SYNPO2: variants seen among roughly 807,000 people sequenced by gnomAD.
The protein encoded by SYNPO2 is synaptopodin 2.
In SYNPO2, 56 loss-of-function variants were observed where a neutral mutation model predicts 85.0. The ratio of observed to expected loss-of-function variants is 0.66; its 90% CI spans 0.53 to 0.82. SYNPO2 has a LOEUF of 0.82. SYNPO2 is among the 40% of genes least tolerant of loss of function. The pLI is 0.00. For missense variants in SYNPO2, 1,575 were observed against 1,534.2 expected, an observed-to-expected ratio of 1.03 and a Z score of -0.44; for synonymous variants, 602 against 591.1, an observed-to-expected ratio of 1.02 and a Z score of -0.27.
At chr4:118,870,291 C>G (rs4834710) in intron 1 of SYNPO2, among the ~76,000 whole-genome samples, 61,131 of 152,132 alleles carry the variant, frequency 0.4, 14,230 homozygotes, top group Admixed American at 0.58. Context: ...GATCCTTCCC[C>G]CTTCAGAGGC....
rs1270047774 is a variant in SYNPO2 at position 119,035,688 on chromosome 4, A to T, written c.3252+3661A>T. On this transcript the variant is annotated intron_variant, in intron 4 of 4. Transcript: ENST00000307142. ...AATCTGAGCTACAAATAGTTCTTTAAAATAAGCCCAGGTTATTTAGCTATT... is the reference window on the plus strand; with the variant it reads ...AATCTGAGCTACAAATAGTTCTTTATAATAAGCCCAGGTTATTTAGCTATT... The T allele has an allele frequency of 7.1e-6, 7 of 985,388 alleles. No homozygotes were observed. In the East Asian group the frequency reaches 7.9e-4, roughly 112 times the overall value. The allele number at this position is 985,388 out of a possible 1,614,324, so 61.0% of individuals were successfully genotyped here. A position where few individuals can be genotyped will look rare whatever the true frequency, so the allele number is the denominator to read the frequency against.
chr4:118,995,407 G>C (rs1236327928), intron 1 of SYNPO2, among the ~76,000 whole-genome samples: 1 of 152,064 alleles, frequency 6.6e-6, no homozygotes, highest in African/African-American at 2.4e-5. Context: ...TCACTGTGAT[G>C]GGTATCTTAT....
chr4:118,865,204 A>C (rs1731679188), intron 1 of SYNPO2, among the ~76,000 whole-genome samples: 1 of 152,216 alleles, frequency 6.6e-6, no homozygotes, highest in Non-Finnish European at 1.5e-5. Context: ...ATAGCTACGC[A>C]CTGGAATCAG....
chr4:119,021,888 G>A (rs1384693142), intron 1 of SYNPO2, among the ~76,000 whole-genome samples: 2 of 152,144 alleles, frequency 1.3e-5, no homozygotes, highest in Non-Finnish European at 2.9e-5. Context: ...TGGCCCAGCA[G>A]GTCCACCAAG....
chr4:118,911,391 C>A (rs1290109902), intron 1 of SYNPO2, among the ~76,000 whole-genome samples: 1 of 152,158 alleles, frequency 6.6e-6, no homozygotes, highest in Non-Finnish European at 1.5e-5. Flanking sequence ...CTTATAAACT[C>A]CAGATGTACG....
intron 1 of SYNPO2, among the ~76,000 whole-genome samples, chr4:118,996,809 A>T (rs1456717340): frequency 6.7e-6 from 1 of 150,280 alleles, no homozygotes; most frequent in Non-Finnish European, 1.5e-5. Flanking sequence ...GTGAGCTGAG[A>T]TCGCGCCACT....
At chr4:118,962,455 A>T (rs6534115) in intron 1 of SYNPO2, among the ~76,000 whole-genome samples, 1 of 151,950 alleles carries the variant, frequency 6.6e-6, no homozygotes, top group Non-Finnish European at 1.5e-5. Context: ...TTGGGAGCAC[A>T]TGGAATAATA....
chr4:118,969,384 G>A (rs920417776), intron 1 of SYNPO2, among the ~76,000 whole-genome samples: 20 of 148,006 alleles, frequency 1.4e-4, no homozygotes, highest in South Asian at 2.2e-4. Flanking sequence ...CATGGTGTTC[G>A]TTTAAAATGG....
Position 118,888,993 on chromosome 4 carries a change from T to A in SYNPO2, c.-44T>A. Reference sequence around the variant, plus strand: ...CATCCTCTACCGCACCCAAGCTTCGTCTGTCTCGTCAAGCTCTTCATGCTG... The same window carrying A: ...CATCCTCTACCGCACCCAAGCTTCGACTGTCTCGTCAAGCTCTTCATGCTG... On this transcript the variant is annotated 5_prime_UTR_variant, in exon 1 of 5. Transcript: ENST00000307142. 1 of 1,601,040 alleles carries A rather than the reference T, an allele frequency of 6.2e-7. No homozygotes were observed. Among genetic ancestry groups the A allele is most frequent in the South Asian group, 1.1e-5 (1 of 90,536 alleles).
intron 1 of SYNPO2, among the ~76,000 whole-genome samples, chr4:118,976,987 C>T (rs1439684780): frequency 6.6e-6 from 1 of 152,264 alleles, no homozygotes; most frequent in Non-Finnish European, 1.5e-5. Flanking sequence ...GCTGGCTTCA[C>T]CTAGAGGATC....
At chr4:118,900,782 T>C (rs565004797) in intron 1 of SYNPO2, among the ~76,000 whole-genome samples, 6 of 147,318 alleles carry the variant, frequency 4.1e-5, no homozygotes, top group African/African-American at 1.5e-4. Flanking sequence ...TATCTATCTA[T>C]CTATAGATAT....
chr4:119,044,967 C>T (rs897204056), intron 4 of SYNPO2, among the ~76,000 whole-genome samples: 18 of 152,086 alleles, frequency 1.2e-4, no homozygotes, highest in Non-Finnish European at 1.8e-4. Flanking sequence ...AATTAGAAGT[C>T]GTGACAGAGG....
Position 118,988,138 on chromosome 4 carries a change from G to A in SYNPO2, c.106-35292G>A, listed in dbSNP as rs575278486. On this transcript the variant is annotated intron_variant, in intron 1 of 4. Transcript: ENST00000307142. ...TGAGCAGGAAAGTTATTTTAGTCCT[G>A]TTTATTTGAATAGCTAGAGCAAATA... 2.0e-4 allele frequency among the ~76,000 whole-genome samples: 31 copies of A among 152,274 alleles called. 1 individual carries two copies. The highest frequency in any genetic ancestry group is 4.4e-4 in the Non-Finnish European group (30 of 68,024).
intron 1 of SYNPO2, among the ~76,000 whole-genome samples, chr4:118,923,630 T>G (rs184002035): frequency 6.6e-6 from 1 of 152,158 alleles, no homozygotes; most frequent in Non-Finnish European, 1.5e-5. Context: ...TATTGAACTT[T>G]GAGTTTGCTT....
chr4:118,947,651 CT>C (rs1383341344), intron 1 of SYNPO2, among the ~76,000 whole-genome samples: 1 of 152,180 alleles, frequency 6.6e-6, no homozygotes, highest in Non-Finnish European at 1.5e-5. Flanking sequence ...CACACTTCTG[CT>C]TTAGAATTGA....
At chr4:118,888,703 C>T, upstream of SYNPO2, 1 of 332,354 alleles carries the variant, frequency 3.0e-6, no homozygotes. Context: ...CCTCCTTTCC[C>T]TTATCTCGCC....
chr4:118,969,771 GT>G (rs58713974), intron 1 of SYNPO2, among the ~76,000 whole-genome samples: 11,126 of 141,520 alleles, frequency 0.079, 444 homozygotes, highest in African/African-American at 0.088. Context: ...TGATTACAAG[GT>G]TTTTTTTTTT....
intron 1 of SYNPO2, among the ~76,000 whole-genome samples, chr4:118,867,968 T>C (rs1021250225): frequency 2.0e-5 from 3 of 151,770 alleles, no homozygotes; most frequent in Non-Finnish European, 4.4e-5. Flanking sequence ...GTCTCTGTCA[T>C]GTTTAACTTT....
At chr4:118,959,974 G>C (rs1294616488) in intron 1 of SYNPO2, among the ~76,000 whole-genome samples, 1 of 152,146 alleles carries the variant, frequency 6.6e-6, no homozygotes, top group Non-Finnish European at 1.5e-5. Context: ...AGATTATCCA[G>C]GTGGGTTCTA....
Sources: allele counts gnomAD v4.1 joint callset (sites outside exome capture counted in the v4.1 genomes callset), GRCh38; gene constraint gnomAD v4.1.1; transcripts MANE v1.5; gene names NCBI Gene and HGNC (gene_info 2026-07-23, HGNC 2026-07-21).